TGFBRAP1: variants seen among roughly 807,000 people sequenced by gnomAD.
TGFBRAP1 encodes transforming growth factor-beta receptor-associated protein 1.
Under a neutral mutation model 83.2 loss-of-function variants are expected in TGFBRAP1, and 20 were observed. The observed-to-expected ratio is 0.24, with a 90% CI of 0.17 to 0.35. The LOEUF is 0.35. TGFBRAP1 is among the 10% of genes least tolerant of loss of function. The pLI, the probability that TGFBRAP1 is intolerant of heterozygous loss-of-function variation, is 1.00. For missense variants in TGFBRAP1, 950 were observed against 1,099.4 expected (o/e 0.86, Z 1.92); for synonymous variants, 415 against 459.8 (o/e 0.90, Z 1.25).
chr2:105,301,501 C>G (rs915342096), intron 2 of TGFBRAP1, among the ~76,000 whole-genome samples: 3 of 151,794 alleles, frequency 2.0e-5, no homozygotes, highest in Non-Finnish European at 4.4e-5. Flanking sequence ...GCAGCAGAAT[C>G]ATTTGAACCC....
chr2:105,288,707 A>C (rs536108179), intron 4 of TGFBRAP1, among the ~76,000 whole-genome samples: 1 of 152,324 alleles, frequency 6.6e-6, no homozygotes, highest in Admixed American at 6.5e-5. Context: ...AAACCATGTA[A>C]GTTATTGTCT....
At chr2:105,304,432 C>T (rs995127933) in intron 2 of TGFBRAP1, among the ~76,000 whole-genome samples, 2 of 152,144 alleles carry the variant, frequency 1.3e-5, no homozygotes, top group Non-Finnish European at 2.9e-5. Context: ...AGAATGTTTT[C>T]TTCAAAAAGT....
chr2:105,275,464 T>C (rs1677306743), intron 8 of TGFBRAP1, 96 bp downstream of exon 8: 3 of 1,513,714 alleles, frequency 2.0e-6, no homozygotes, highest in South Asian at 2.7e-5. Flanking sequence ...GAGGTTGAAA[T>C]GTAGCTTTCT....
chr2:105,316,462 T>TGTGTGTGTGTGCGCGC (rs1177329674), intron 1 of TGFBRAP1, among the ~76,000 whole-genome samples: 24 of 84,804 alleles, frequency 2.8e-4, no homozygotes, highest in African/African-American at 9.7e-4. Context: ...TGTGTGTGTG[T>TGTGTGTGTGTGCGCGC]GCGCGCGCGC....
intron 2 of TGFBRAP1, among the ~76,000 whole-genome samples, chr2:105,302,078 C>A (rs910179458): frequency 6.8e-6 from 1 of 147,056 alleles, no homozygotes; most frequent in Non-Finnish European, 1.5e-5. Context: ...ATGTAAATGG[C>A]TTTTAAACGT....
At chr2:105,251,249 C>T in the TGFBRAP1 span, among the ~76,000 whole-genome samples, 25 of 140,330 alleles carry the variant, frequency 1.8e-4, no homozygotes, top group Admixed American at 6.5e-4. Flanking sequence ...AAGTGAGGAG[C>T]GTCTCTGCCT....
the TGFBRAP1 span, among the ~76,000 whole-genome samples, chr2:105,254,202 C>T: frequency 0.012 from 1,799 of 152,166 alleles, 36 homozygotes; most frequent in African/African-American, 0.04. Flanking sequence ...ATAATAAAAT[C>T]GCTTTTCAGA....
At chr2:105,284,508 T>C (rs1267093240) in intron 4 of TGFBRAP1, 110 bp from the exon 5 acceptor site, 6 of 981,534 alleles carry the variant, frequency 6.1e-6, no homozygotes, top group Non-Finnish European at 9.5e-6. Context: ...AATGTAAAAT[T>C]ACAAGCTGAG....
intron 2 of TGFBRAP1, among the ~76,000 whole-genome samples, chr2:105,306,763 C>T (rs1324287810): frequency 6.6e-6 from 1 of 152,082 alleles, no homozygotes; most frequent in Non-Finnish European, 1.5e-5. Context: ...TGTGCCACTG[C>T]ACTCCAGCCT....
At chr2:105,328,454 T>G (rs899779167) in intron 1 of TGFBRAP1, among the ~76,000 whole-genome samples, 1 of 152,232 alleles carries the variant, frequency 6.6e-6, no homozygotes, top group Non-Finnish European at 1.5e-5. Flanking sequence ...ATGTTCCTTC[T>G]GACTGACCAT....
At chr2:105,273,799 T>C in intron 8 of TGFBRAP1, 109 bp from the exon 9 acceptor site, 1 of 1,326,680 alleles carries the variant, frequency 7.5e-7, no homozygotes, top group Non-Finnish European at 1.0e-6. Flanking sequence ...TCACTTAAAA[T>C]ATGATTAAAT....
At chr2:105,257,783 C>T in the TGFBRAP1 span, among the ~76,000 whole-genome samples, 1 of 152,120 alleles carries the variant, frequency 6.6e-6, no homozygotes, top group African/African-American at 2.4e-5. Flanking sequence ...CTGCTTATTG[C>T]CCTAATCCCT....
chr2:105,307,730 T>C lies in TGFBRAP1; in HGVS notation c.572A>G (p.His191Arg). Residue 191 changes from histidine (H) to arginine (R), a missense_variant, in exon 2 of 12, where the codon CAC (histidine) becomes CGC (arginine). Coordinates refer to ENST00000393359, the MANE Select transcript of TGFBRAP1 (RefSeq NM_004257.6). ...CLALTTQYII[H>R]NYSTGVSQDL... Reference sequence around the variant, plus strand: ...CTGGGAGACGCCTGTGCTGTAATTGTGGATGATGTACTGAGTGGTCAGAGC... The same window carrying C: ...CTGGGAGACGCCTGTGCTGTAATTGCGGATGATGTACTGAGTGGTCAGAGC... 1.2e-6 allele frequency: 2 copies of C among 1,614,082 alleles called. No individual in the cohort carries two copies. Among genetic ancestry groups the C allele is most frequent in the Non-Finnish European group, 1.7e-6 (2 of 1,180,014 alleles).
downstream of TGFBRAP1, among the ~76,000 whole-genome samples, chr2:105,260,638 G>C (rs748223607): frequency 6.6e-6 from 1 of 151,452 alleles, no homozygotes; most frequent in South Asian, 2.1e-4. Flanking sequence ...GTTTCTGTTC[G>C]GGATGATACA....
the TGFBRAP1 span, among the ~76,000 whole-genome samples, chr2:105,256,356 C>G: frequency 6.6e-6 from 1 of 152,156 alleles, no homozygotes; most frequent in Non-Finnish European, 1.5e-5. Flanking sequence ...AAGGGGCCAT[C>G]ACCTCGCTCA....
chr2:105,284,587 A>G (rs918393977), intron 4 of TGFBRAP1, among the ~76,000 whole-genome samples, 189 bp from the exon 5 acceptor site: 1 of 152,118 alleles, frequency 6.6e-6, no homozygotes, highest in Admixed American at 6.6e-5. Context: ...TAATTCCCCA[A>G]TCTTTCCCAA....
the TGFBRAP1 span, among the ~76,000 whole-genome samples, chr2:105,257,546 G>A: frequency 0.048 from 7,296 of 152,100 alleles, 544 homozygotes; most frequent in African/African-American, 0.16. Context: ...ATTTCACTTG[G>A]CATAATGTCC....
In TGFBRAP1 at chr2:105,275,599, C is replaced by T. The variant is rs1282345577; in HGVS notation, c.1626G>A (p.Val542=). The change falls in exon 8 of 12, where the codon GTG becomes GTA. Residue 542 remains valine, a synonymous_variant. Transcript: ENST00000393359. ...FLTYCLDEEL[V]WAYADWVLQK... ...GCAGGACCCAATCAGCATAGGCCCA[C>T]ACTAGTTCCTCGTCTAAGCAGTAGG... 6.2e-6 allele frequency: 10 copies of T among 1,614,150 alleles called. No individual in the cohort carries two copies. The highest frequency in any genetic ancestry group is 2.2e-5 in the East Asian group (1 of 44,880).
chr2:105,318,570 T>C (rs549356490), intron 1 of TGFBRAP1, among the ~76,000 whole-genome samples: 1 of 152,360 alleles, frequency 6.6e-6, no homozygotes, highest in Non-Finnish European at 1.5e-5. Flanking sequence ...ATTCACAAAC[T>C]GTATGTTCCT....
Sources: allele counts gnomAD v4.1 joint callset (sites outside exome capture counted in the v4.1 genomes callset), GRCh38; gene constraint gnomAD v4.1.1; transcripts MANE v1.5; gene names NCBI Gene and HGNC (gene_info 2026-07-23, HGNC 2026-07-21).